MOB1A: variants seen among roughly 807,000 people sequenced by gnomAD.
The protein encoded by MOB1A is MOB kinase activator 1A.
In MOB1A, 10 loss-of-function variants were observed where a neutral mutation model predicts 25.1. The observed-to-expected ratio is 0.40, with a 90% CI of 0.25 to 0.68. MOB1A has a LOEUF of 0.68. Ranked by LOEUF, MOB1A falls within the 30% of genes least tolerant of loss-of-function variation. MOB1A has a pLI of 0.40. For missense variants in MOB1A, 177 were observed against 256.3 expected (o/e 0.69, Z 2.11); for synonymous variants, 81 against 79.5 (o/e 1.02, Z -0.10).
intron 4 of MOB1A, among the ~76,000 whole-genome samples, chr2:74,163,045 A>G (rs1459161330): frequency 6.6e-6 from 1 of 152,202 alleles, no homozygotes; most frequent in Non-Finnish European, 1.5e-5. Flanking sequence ...AAATCCATAC[A>G]CCTCTAACCA....
intron 1 of MOB1A, chr2:74,178,396 C>G (rs1191386868): frequency 3.1e-6 from 1 of 319,592 alleles, no homozygotes; most frequent in African/African-American, 2.1e-5. Context: ...CGGGGGCGCT[C>G]GGGCGGAAAA....
intron 2 of MOB1A, among the ~76,000 whole-genome samples, chr2:74,167,633 A>G (rs1225384203): frequency 1.3e-5 from 2 of 152,212 alleles, no homozygotes; most frequent in East Asian, 1.9e-4. Flanking sequence ...AGATAATACC[A>G]TTTGTGTTAG....
At chr2:74,158,194 A>AAG (rs1553444306) in intron 5 of MOB1A, among the ~76,000 whole-genome samples, 3 of 94,374 alleles carry the variant, frequency 3.2e-5, no homozygotes, top group East Asian at 3.1e-4. Context: ...AAAAAAAAAA[A>AAG]GAGGGGGGAA....
intron 1 of MOB1A, among the ~76,000 whole-genome samples, chr2:74,177,795 TAGAG>T (rs1243513623): frequency 6.6e-6 from 1 of 152,174 alleles, no homozygotes; most frequent in Non-Finnish European, 1.5e-5. Context: ...ATATACAAGG[TAGAG>T]AGAGACACCT....
chr2:74,178,843 C>A lies in MOB1A; in HGVS notation c.-169G>T, dbSNP rs528198626. ...GCGAGCCTTTGCAAACCTCGGCGCC[C>A]GCCTTGCCCGCCTACCCCACCTCGC... On this transcript the variant is annotated 5_prime_UTR_variant, in exon 1 of 6. Transcript: ENST00000396049. 2 of 400,788 alleles carry A rather than the reference C, an allele frequency of 5.0e-6. No homozygotes were observed. Among genetic ancestry groups the A allele is most frequent in the African/African-American group, 2.1e-5 (1 of 48,546 alleles). The allele number at this position is 400,788 out of a possible 1,614,324, so 24.8% of individuals were successfully genotyped here.
intron 1 of MOB1A, chr2:74,173,091 G>A (rs528325269): frequency 2.2e-4 from 103 of 462,668 alleles, no homozygotes; most frequent in South Asian, 1.9e-4. Context: ...AGCTGAAATC[G>A]CATCACTGCA....
chr2:74,156,406 A>T lies in MOB1A; in HGVS notation c.*162T>A, dbSNP rs897447967. Reference sequence around the variant, plus strand: ...CTTAAGGTCTTACTCGGAAACTATCACACCAACCTACCTTTGGGATAATTT... The same window carrying T: ...CTTAAGGTCTTACTCGGAAACTATCTCACCAACCTACCTTTGGGATAATTT... On this transcript the variant is annotated 3_prime_UTR_variant, in exon 6 of 6. Transcript: ENST00000396049. The T allele has an allele frequency of 5.3e-5, 35 of 657,434 alleles. No individual in the cohort carries two copies. The African/African-American group carries it at 5.7e-4, about 11-fold the overall frequency. 40.7% of individuals were successfully genotyped at this position (657,434 alleles called of 1,614,324 possible).
At chr2:74,166,733 G>A (rs961292746) in intron 3 of MOB1A, among the ~76,000 whole-genome samples, 2 of 152,206 alleles carry the variant, frequency 1.3e-5, no homozygotes, top group African/African-American at 4.8e-5. Flanking sequence ...CCACTCGGGA[G>A]GCTGAGGCAT....
intron 2 of MOB1A, among the ~76,000 whole-genome samples, chr2:74,170,140 TTGTG>T (rs1190800055): frequency 7.0e-6 from 1 of 143,260 alleles, no homozygotes; most frequent in Non-Finnish European, 1.5e-5. Flanking sequence ...TTGTTTGTTT[TTGTG>T]TGTGTGTGTT....
intron 2 of MOB1A, among the ~76,000 whole-genome samples, chr2:74,170,460 G>T (rs1163647395): frequency 1.3e-5 from 2 of 150,942 alleles, no homozygotes; most frequent in African/African-American, 4.9e-5. Flanking sequence ...TTTAAAAAAG[G>T]TTTTTTTTTG....
At chr2:74,166,653 T>C (rs1345343479) in intron 3 of MOB1A, among the ~76,000 whole-genome samples, 1 of 152,090 alleles carries the variant, frequency 6.6e-6, no homozygotes, top group Non-Finnish European at 1.5e-5. Flanking sequence ...CTGGGGAACA[T>C]GGCAAAACCC....
At chr2:74,175,796 A>G (rs538491689) in intron 1 of MOB1A, among the ~76,000 whole-genome samples, 1 of 152,284 alleles carries the variant, frequency 6.6e-6, no homozygotes, top group African/African-American at 2.4e-5. Flanking sequence ...ATAATACACA[A>G]CCAAACGTAC....
intron 4 of MOB1A, among the ~76,000 whole-genome samples, chr2:74,161,059 C>CA (rs569722670): frequency 2.8e-4 from 42 of 152,204 alleles, no homozygotes; most frequent in African/African-American, 9.6e-4. Context: ...GACTCCATCT[C>CA]AAAAAATAAA....
rs1389844272 is a variant in MOB1A, at chr2:74,152,790, T to C, written c.*3778A>G. 2 of 152,172 alleles carry C rather than the reference T, an allele frequency of 1.3e-5. No homozygotes were observed. Among genetic ancestry groups the C allele is most frequent in the African/African-American group, 2.4e-5 (1 of 41,442 alleles). 9.4% of individuals were successfully genotyped at this position (152,172 alleles called of 1,614,324 possible). ...CAAAACTAACTTACACAAACTATTT[T>C]TGATGTAGAATAGAATGCTGTTCTA... On this transcript the variant is annotated 3_prime_UTR_variant, in exon 6 of 6. Coordinates refer to ENST00000396049, the MANE Select transcript of MOB1A (RefSeq NM_018221.5).
At chr2:74,169,241 C>T (rs1693214695) in intron 2 of MOB1A, among the ~76,000 whole-genome samples, 2 of 152,168 alleles carry the variant, frequency 1.3e-5, no homozygotes, top group Non-Finnish European at 2.9e-5. Flanking sequence ...GTGGCTCACG[C>T]CTGTAATCCC....
At chr2:74,162,431 G>A (rs1179771256) in intron 4 of MOB1A, among the ~76,000 whole-genome samples, 15 of 152,102 alleles carry the variant, frequency 9.9e-5, no homozygotes, top group African/African-American at 2.9e-4. Flanking sequence ...CAGTAGAGCC[G>A]AGACTGTGCC....
chr2:74,164,766 C>T (rs1693079308), intron 4 of MOB1A: 1 of 145,530 alleles, frequency 6.9e-6, no homozygotes, highest in Admixed American at 6.9e-5. Flanking sequence ...AAGATATAAA[C>T]AGAAAACACA....
chr2:74,165,992 C>T (rs1693119534), intron 3 of MOB1A, among the ~76,000 whole-genome samples: 1 of 151,874 alleles, frequency 6.6e-6, no homozygotes, highest in African/African-American at 2.4e-5. Flanking sequence ...GAACTACAAA[C>T]TCATTAGGGA....
intron 1 of MOB1A, among the ~76,000 whole-genome samples, chr2:74,173,944 G>A (rs544496057): frequency 6.1e-5 from 6 of 98,040 alleles, no homozygotes; most frequent in South Asian, 7.0e-4. Flanking sequence ...GCGAAACTCC[G>A]TCTCAAAAAA....
Sources: allele counts gnomAD v4.1 joint callset (sites outside exome capture counted in the v4.1 genomes callset), GRCh38; gene constraint gnomAD v4.1.1; transcripts MANE v1.5; gene names NCBI Gene and HGNC (gene_info 2026-07-23, HGNC 2026-07-21).